Variants in LRRIQ3 observed in about 807,000 individuals in gnomAD.
LRRIQ3 encodes the protein leucine-rich repeat and IQ domain-containing protein 3.
LRRIQ3 carries 75 observed loss-of-function variants against 59.3 expected under a neutral mutation model. The observed-to-expected ratio is 1.26, with a 90% CI of 1.05 to 1.53. The LOEUF (loss-of-function observed/expected upper bound fraction) is 1.53, where lower values mean the gene tolerates loss of function less well. Ranked by LOEUF, LRRIQ3 falls within the 40% of genes most tolerant of loss-of-function variation. The pLI, the probability that LRRIQ3 is intolerant of heterozygous loss-of-function variation, is 0.00. For synonymous variants in LRRIQ3, 250 were observed against 231.3 expected (o/e 1.08, Z -0.73); for missense variants, 831 against 710.0 (o/e 1.17, Z -1.94).
At chr1:74,176,730 A>T (rs1303591403) in intron 3 of LRRIQ3, among the ~76,000 whole-genome samples, 1 of 152,078 alleles carries the variant, frequency 6.6e-6, no homozygotes, top group Non-Finnish European at 1.5e-5. Flanking sequence ...GTTATCACCC[A>T]GCAATGGTAA....
intron 6 of LRRIQ3, among the ~76,000 whole-genome samples, chr1:74,043,960 T>C (rs1654123668): frequency 6.6e-6 from 1 of 152,264 alleles, no homozygotes; most frequent in South Asian, 2.1e-4. Context: ...TCTGTATCTG[T>C]TCATATTCTA....
chr1:74,147,109 T>A (rs1348689325), intron 4 of LRRIQ3, among the ~76,000 whole-genome samples: 1 of 152,044 alleles, frequency 6.6e-6, no homozygotes, highest in Non-Finnish European at 1.5e-5. Context: ...GTGCCTGTGG[T>A]CCCAGCCACT....
chr1:74,055,180 TTA>T (rs57279520), intron 6 of LRRIQ3, among the ~76,000 whole-genome samples: 5,234 of 139,814 alleles, frequency 0.037, 204 homozygotes, highest in African/African-American at 0.092. Flanking sequence ...CATATACACT[TTA>T]TATATATATA....
intron 4 of LRRIQ3, among the ~76,000 whole-genome samples, chr1:74,111,055 C>T (rs1398939124): frequency 1.3e-5 from 2 of 151,818 alleles, no homozygotes; most frequent in African/African-American, 4.8e-5. Flanking sequence ...ATAACAACAA[C>T]AAAAAATTGT....
At chr1:74,050,026 C>T (rs767493769) in intron 6 of LRRIQ3, among the ~76,000 whole-genome samples, 1 of 151,328 alleles carries the variant, frequency 6.6e-6, no homozygotes, top group Non-Finnish European at 1.5e-5. Context: ...CGGATTCAAG[C>T]AATTCTCCTG....
At position 74,041,362 on chromosome 1, in the gene LRRIQ3, A is replaced by G. The variant is rs1464483449; in HGVS notation, c.1569T>C (p.Asn523=). 9 of 1,613,748 alleles carry G rather than the reference A, an allele frequency of 5.6e-6. No individual in the cohort carries two copies. The highest frequency in any genetic ancestry group is 7.6e-6 in the Non-Finnish European group (9 of 1,179,904). ...GTCCTCTGGTCAAAAGAGTGCGCTC[A>G]TTATTTAAGTTTTGAACTAATAAAC... ...SERLLVQNLN[N]ERTLLTRGLL... The change falls in exon 7 of 8, where the codon AAT becomes AAC. Residue 523 remains asparagine, a synonymous_variant. Transcript: ENST00000354431.
chr1:74,137,574 C>T (rs144989021), intron 4 of LRRIQ3, among the ~76,000 whole-genome samples: 143 of 151,974 alleles, frequency 9.4e-4, no homozygotes, highest in Middle Eastern at 3.4e-3. Context: ...ACCATTTGAC[C>T]CAGCAATCCC....
chr1:74,174,507 C>G (rs935059184), intron 3 of LRRIQ3, among the ~76,000 whole-genome samples: 4 of 151,798 alleles, frequency 2.6e-5, no homozygotes, highest in African/African-American at 9.7e-5. Context: ...CTCAGCCTCC[C>G]AAGCAGCTGA....
intron 7 of LRRIQ3, among the ~76,000 whole-genome samples, chr1:74,036,948 T>C (rs1653890286): frequency 1.3e-5 from 2 of 152,244 alleles, no homozygotes; most frequent in South Asian, 4.1e-4. Context: ...TTTTACTCTA[T>C]GTTTAATATT....
chr1:74,143,075 T>C (rs1247800359), intron 4 of LRRIQ3, among the ~76,000 whole-genome samples: 1 of 151,958 alleles, frequency 6.6e-6, no homozygotes, highest in African/African-American at 2.4e-5. Flanking sequence ...TTATTCTGAG[T>C]TTCAAATGAG....
In LRRIQ3 at chr1:74,155,835, ATAT is replaced by A. The variant is rs767112214; in HGVS notation, c.602_604del (p.Asn201del). The A allele has an allele frequency of 1.3e-6, 2 of 1,547,212 alleles. No individual in the cohort carries two copies. Among genetic ancestry groups the A allele is most frequent in the Admixed American group, 3.8e-5 (2 of 52,256 alleles). ...ATTAATTTTTGAAGTAATATGTTTA[ATAT>A]TATTAATTTCCTCTTCATAGGTTGT... On this transcript the variant is annotated inframe_deletion, in exon 4 of 8. Transcript: ENST00000354431.
In LRRIQ3 at chr1:74,035,931, C is replaced by T. The variant is rs902468259; in HGVS notation, c.1718+5282G>A. Among the ~76,000 whole-genome samples the T allele has an allele frequency of 2.0e-5, 3 of 152,244 alleles. No homozygotes were observed. In the South Asian group the frequency reaches 6.2e-4, roughly 32 times the overall value. On this transcript the variant is annotated intron_variant, in intron 7 of 7. Transcript: ENST00000354431. ...GGTCTCCTCTCACCTCTCTGCTTTTCCAATGTGAATCAACAATTGTACTTC... is the reference window on the plus strand; with the variant it reads ...GGTCTCCTCTCACCTCTCTGCTTTTTCAATGTGAATCAACAATTGTACTTC...
chr1:74,094,089 T>G (rs1451748753), intron 5 of LRRIQ3, among the ~76,000 whole-genome samples: 1 of 152,040 alleles, frequency 6.6e-6, no homozygotes, highest in African/African-American at 2.4e-5. Flanking sequence ...TGTCCTGATA[T>G]AGTCTTTCCT....
At chr1:74,054,955 T>C (rs1462248451) in intron 6 of LRRIQ3, among the ~76,000 whole-genome samples, 1 of 147,252 alleles carries the variant, frequency 6.8e-6, no homozygotes, top group African/African-American at 2.5e-5. Flanking sequence ...AATTATATAA[T>C]TATATAAAAT....
chr1:74,135,745 A>G (rs1474926988), intron 4 of LRRIQ3, among the ~76,000 whole-genome samples: 1 of 152,000 alleles, frequency 6.6e-6, no homozygotes, highest in Non-Finnish European at 1.5e-5. Flanking sequence ...AGCAGTGCTT[A>G]GATGAAAACA....
At chr1:74,165,191 C>T (rs199811679) in intron 3 of LRRIQ3, among the ~76,000 whole-genome samples, 1 of 151,510 alleles carries the variant, frequency 6.6e-6, no homozygotes, top group Non-Finnish European at 1.5e-5. Context: ...ACTACATCTA[C>T]AATCTTATGG....
At chr1:74,154,778 C>G (rs1353814389) in intron 4 of LRRIQ3, among the ~76,000 whole-genome samples, 1 of 152,170 alleles carries the variant, frequency 6.6e-6, no homozygotes, top group African/African-American at 2.4e-5. Flanking sequence ...TTTGCACCTC[C>G]TTTACTCAGG....
chr1:74,124,554 G>A (rs1557626843), intron 4 of LRRIQ3, among the ~76,000 whole-genome samples: 2 of 151,806 alleles, frequency 1.3e-5, no homozygotes, highest in African/African-American at 4.8e-5. Context: ...AGAGATGGTG[G>A]TCCAATATCA....
chr1:74,101,429 G>A (rs1390988947), intron 5 of LRRIQ3, among the ~76,000 whole-genome samples: 1 of 152,124 alleles, frequency 6.6e-6, no homozygotes, highest in Non-Finnish European at 1.5e-5. Context: ...GAGAGGATGT[G>A]GAGAAATAGG....
Sources: gnomAD v4.1 joint callset for allele counts (sites outside exome capture counted in the v4.1 genomes callset) on GRCh38, gnomAD v4.1.1 for gene constraint, MANE v1.5 for transcripts, NCBI Gene and HGNC (gene_info 2026-07-23, HGNC 2026-07-21) for gene names.